The following SLC25A27 variants were observed in gnomAD, a reference collection of about 807,000 sequenced individuals.
SLC25A27 encodes solute carrier family 25 member 27.
Under a neutral mutation model 49.1 loss-of-function variants are expected in SLC25A27, and 35 were observed. The observed-to-expected ratio is 0.71, with a 90% CI of 0.54 to 0.95. The LOEUF (loss-of-function observed/expected upper bound fraction) is 0.95. SLC25A27 is among the 40% of genes least tolerant of loss of function. SLC25A27 has a pLI of 0.00. For synonymous variants in SLC25A27, 144 were observed against 136.9 expected, an observed-to-expected ratio of 1.05 and a Z score of -0.36; for missense variants, 339 against 397.1, an observed-to-expected ratio of 0.85 and a Z score of 1.24.
At position 46,664,793 on chromosome 6, in the gene SLC25A27, G is replaced by A. The variant is rs1199016294; in HGVS notation, c.526G>A (p.Ala176Thr). 1.9e-6 allele frequency: 3 copies of A among 1,604,916 alleles called. No individual in the cohort carries two copies. Among genetic ancestry groups the A allele is most frequent in the Non-Finnish European group, 2.6e-6 (3 of 1,174,704 alleles). Residue 176 changes from alanine (A) to threonine (T), a missense_variant, in exon 5 of 9, where the codon GCA becomes ACA. Coordinates refer to ENST00000371347, the MANE Select transcript of SLC25A27 (RefSeq NM_004277.5). ...CCTTAGATTTCGTGGTGTACATCAT[G>A]CATTTGCAAAAATCTTAGCTGAAGG... ...KPLRFRGVHHAFAKILAEGGI... is the reference protein window; with the variant it reads ...KPLRFRGVHHTFAKILAEGGI...
intron 5 of SLC25A27, among the ~76,000 whole-genome samples, chr6:46,666,982 A>G (rs190508286): frequency 9.9e-5 from 15 of 152,220 alleles, no homozygotes; most frequent in Admixed American, 4.6e-4. Context: ...TCTGTAGTCC[A>G]AGTATTATTT....
chr6:46,676,368 T>C lies in SLC25A27; in HGVS notation c.901-15T>C. 4 of 1,612,542 alleles carry C rather than the reference T, an allele frequency of 2.5e-6. No homozygotes were observed. The highest frequency in any genetic ancestry group is 3.4e-6 in the Non-Finnish European group (4 of 1,178,934). On this transcript the variant is annotated splice_polypyrimidine_tract_variant and intron_variant, in intron 8 of 8. Coordinates refer to ENST00000371347, the MANE Select transcript of SLC25A27 (RefSeq NM_004277.5). The stretch of plus-strand genomic sequence containing the variant: ...GCTTTGAAATATGCACTAACTTCTT[T>C]GGTTAATCTTTCAGACCCCTTGGTC...
chr6:46,671,268 C>G (rs774417717), intron 8 of SLC25A27, 40 bp downstream of exon 8: 38 of 1,145,076 alleles, frequency 3.3e-5, no homozygotes, highest in Non-Finnish European at 3.8e-6. Context: ...TTTCTTTGTA[C>G]TTAAATTACT....
At chr6:46,668,821 T>G (rs1221927344) in intron 6 of SLC25A27, 28 bp downstream of exon 6, 3 of 1,233,364 alleles carry the variant, frequency 2.4e-6, no homozygotes, top group South Asian at 1.3e-5. Context: ...TGGACTCTGT[T>G]TTTTTTTTTT....
intron 4 of SLC25A27, 75 bp from the exon 5 acceptor site, chr6:46,664,687 TATAAGAGCTATA>T: frequency 1.8e-6 from 1 of 561,688 alleles, no homozygotes; most frequent in Non-Finnish European, 3.0e-6. Flanking sequence ...TACTCCAGAT[TATAAGAGCTATA>T]AGTGAAGCTT....
At chr6:46,669,150 C>G (rs1215339260) in intron 6 of SLC25A27, among the ~76,000 whole-genome samples, 2 of 152,138 alleles carry the variant, frequency 1.3e-5, no homozygotes, top group Non-Finnish European at 2.9e-5. Flanking sequence ...GGGGTAAACT[C>G]AATTCCTACC....
chr6:46,671,771 T>C (rs1053895862), intron 8 of SLC25A27, among the ~76,000 whole-genome samples: 1 of 151,956 alleles, frequency 6.6e-6, no homozygotes, highest in South Asian at 2.1e-4. Flanking sequence ...TTAAGCAATA[T>C]AGCAAATAAA....
chr6:46,668,654 A>G (rs1763402490), intron 5 of SLC25A27, 55 bp from the exon 6 acceptor site: 1 of 1,007,758 alleles, frequency 9.9e-7, no homozygotes, highest in Non-Finnish European at 1.6e-6. Context: ...CATATTCTTG[A>G]CACAAAAGAC....
At chr6:46,670,882 C>T (rs571072223) in intron 7 of SLC25A27, among the ~76,000 whole-genome samples, 45 of 152,132 alleles carry the variant, frequency 3.0e-4, no homozygotes, top group African/African-American at 9.6e-4. Context: ...GGACTACAGG[C>T]GCCTGCCACC....
At chr6:46,658,142 A>G (rs1263890708) in intron 2 of SLC25A27, among the ~76,000 whole-genome samples, 2 of 152,238 alleles carry the variant, frequency 1.3e-5, no homozygotes, top group African/African-American at 4.8e-5. Flanking sequence ...TAATATTTTT[A>G]AAGATTCAAT....
intron 8 of SLC25A27, 44 bp downstream of exon 8, chr6:46,671,272 A>C: frequency 9.0e-7 from 1 of 1,105,006 alleles, no homozygotes; most frequent in Non-Finnish European, 1.3e-6. Context: ...TTTGTACTTA[A>C]ATTACTTTTA....
In SLC25A27 at chr6:46,659,033, C is replaced by T. The variant is rs1258222859; in HGVS notation, c.370C>T (p.His124Tyr). 6.2e-7 allele frequency: 1 copy of T among 1,610,188 alleles called. No individual in the cohort carries two copies. Among genetic ancestry groups the T allele is most frequent in the African/African-American group, 1.3e-5 (1 of 74,916 alleles). ...TGTGTTTGGCAAAAGTGAAGATGAG[C>T]ATTATCCCCTTTGGTAAGTTTTGTT... Reference protein sequence around the residue: ...EVVFGKSEDEHYPLWKSVIGG... With the variant: ...EVVFGKSEDEYYPLWKSVIGG... Residue 124 changes from histidine (H) to tyrosine (Y), a missense_variant, in exon 3 of 9, where the codon CAT becomes TAT. Coordinates refer to ENST00000371347, the MANE Select transcript of SLC25A27 (RefSeq NM_004277.5).
At chr6:46,662,144 C>T (rs1281271300) in intron 3 of SLC25A27, among the ~76,000 whole-genome samples, 1 of 152,034 alleles carries the variant, frequency 6.6e-6, no homozygotes, top group Non-Finnish European at 1.5e-5. Flanking sequence ...ACTGCTCTTT[C>T]CTTTGGATTT....
At chr6:46,666,557 A>G (rs572247760) in intron 5 of SLC25A27, among the ~76,000 whole-genome samples, 2 of 152,126 alleles carry the variant, frequency 1.3e-5, no homozygotes, top group Non-Finnish European at 2.9e-5. Context: ...ATATTTGTGG[A>G]TATTTTGATT....
intron 5 of SLC25A27, among the ~76,000 whole-genome samples, chr6:46,668,231 G>A (rs1763386593): frequency 6.6e-6 from 1 of 152,124 alleles, no homozygotes; most frequent in African/African-American, 2.4e-5. Flanking sequence ...CTAGCTACTT[G>A]GGAGGCTGAG....
intron 2 of SLC25A27, 26 bp from the exon 3 acceptor site, chr6:46,658,935 AC>A: frequency 6.6e-7 from 1 of 1,519,992 alleles, no homozygotes; most frequent in Non-Finnish European, 9.1e-7. Context: ...AGCCAAAGTT[AC>A]CTTTTTAATG....
intron 1 of SLC25A27, among the ~76,000 whole-genome samples, chr6:46,655,018 C>T (rs1044149365): frequency 6.6e-6 from 1 of 151,950 alleles, no homozygotes; most frequent in Non-Finnish European, 1.5e-5. Context: ...TTATGTAGGC[C>T]GTTTAGCTTA....
chr6:46,654,505 C>A (rs972128010), intron 1 of SLC25A27, among the ~76,000 whole-genome samples: 1 of 152,026 alleles, frequency 6.6e-6, no homozygotes, highest in Admixed American at 6.5e-5. Flanking sequence ...TGATGTGTCC[C>A]CCTCTGACTC....
rs192919671 is a variant in SLC25A27, at chr6:46,676,944, G to T, written c.*490G>T. 7.5e-6 allele frequency: 3 copies of T among 402,458 alleles called. No individual in the cohort carries two copies. Among genetic ancestry groups the T allele is most frequent in the South Asian group, 1.5e-4 (2 of 13,596 alleles). The allele number at this position is 402,458 out of a possible 1,614,324, so 24.9% of individuals were successfully genotyped here. ...TTCACTTTTCTGTCATTGTTAAAGC[G>T]TACATACTGTAAATTAAAGGGAGGT... On this transcript the variant is annotated 3_prime_UTR_variant, in exon 9 of 9. Transcript: ENST00000371347.
Sources: gnomAD v4.1 joint callset for allele counts (sites outside exome capture counted in the v4.1 genomes callset) on GRCh38, gnomAD v4.1.1 for gene constraint, MANE v1.5 for transcripts, NCBI Gene and HGNC (gene_info 2026-07-23, HGNC 2026-07-21) for gene names.